The following ATP2B3 variants were observed in gnomAD, a reference collection of about 807,000 sequenced individuals.
The protein encoded by ATP2B3 is ATPase plasma membrane Ca2+ transporting 3.
In ATP2B3, 12 loss-of-function variants were observed where a neutral mutation model predicts 70.8. The ratio of observed to expected loss-of-function variants is 0.17; its 90% confidence interval spans 0.11 to 0.27. The LOEUF (loss-of-function observed/expected upper bound fraction) is 0.27, where lower values mean the gene tolerates loss of function less well. Among genes scored for constraint, ATP2B3 ranks in the 10% least tolerant of loss-of-function variants. The probability of loss-of-function intolerance (pLI) is 1.00; values close to 1 mark genes in which losing one functional copy is unlikely to be tolerated. For synonymous variants in ATP2B3, 460 were observed against 497.8 expected, an observed-to-expected ratio of 0.92 and a Z score of 1.01; for missense variants, 858 against 1,118.5, an observed-to-expected ratio of 0.77 and a Z score of 3.32.
intron 2 of ATP2B3, among the ~76,000 whole-genome samples, chrX:153,525,594 G>A (rs2090020040): frequency 8.9e-6 from 1 of 112,541 alleles, no homozygotes; most frequent in African/African-American, 3.2e-5. Flanking sequence ...TGGAGCCACA[G>A]GCCCAGGAGA....
chrX:153,526,350 A>T (rs2090032849), intron 2 of ATP2B3, among the ~76,000 whole-genome samples: 1 of 110,922 alleles, frequency 9.0e-6, no homozygotes, highest in African/African-American at 3.3e-5. Context: ...TGTGGGGCGC[A>T]CTGAGGGAGA....
At chrX:153,545,102 G>A (rs868978992) in intron 7 of ATP2B3, among the ~76,000 whole-genome samples, 1 of 107,455 alleles carries the variant, frequency 9.3e-6, no homozygotes. Context: ...CGGGGGGGGG[G>A]CCCTCCCTGC....
At chrX:153,549,187 G>A in intron 10 of ATP2B3, among the ~76,000 whole-genome samples, 1 of 98,547 alleles carries the variant, frequency 1.0e-5, no homozygotes, top group Non-Finnish European at 2.1e-5. Context: ...GAGGAGGTGG[G>A]GGGAGCCAGG....
chrX:153,564,233 C>T (rs782388537), intron 20 of ATP2B3, among the ~76,000 whole-genome samples: 82 of 112,975 alleles, frequency 7.3e-4, no homozygotes, highest in African/African-American at 2.1e-3. Flanking sequence ...AGGGGAGTTG[C>T]GCAAACAGCG....
At chrX:153,569,109 G>T in intron 21 of ATP2B3, 1 of 303,250 alleles carries the variant, frequency 3.3e-6, no homozygotes, top group East Asian at 9.5e-5. Context: ...AGTTTCGAGG[G>T]GGCGCCCCCT....
At chrX:153,577,783 T>A (rs112792386) in intron 21 of ATP2B3, among the ~76,000 whole-genome samples, 98 of 111,262 alleles carry the variant, frequency 8.8e-4, no homozygotes, top group African/African-American at 3.0e-3. Flanking sequence ...CTTACTTTTT[T>A]TTATTATTAT....
At chrX:153,569,404 C>T (rs973323703) in intron 21 of ATP2B3, 8 of 524,709 alleles carry the variant, frequency 1.5e-5, no homozygotes, top group Non-Finnish European at 2.3e-5. Flanking sequence ...CAAACCCTCT[C>T]TCGGTGGGTG....
At chrX:153,526,444 C>T (rs1569533240) in intron 2 of ATP2B3, among the ~76,000 whole-genome samples, 2 of 111,587 alleles carry the variant, frequency 1.8e-5, no homozygotes, top group African/African-American at 3.3e-5. Context: ...TCCTGGAGCA[C>T]GGCAGGAACT....
At position 153,553,070 on chromosome X, in the gene ATP2B3, G is replaced by A. The variant is rs943411634; in HGVS notation, c.1859G>A (p.Arg620Gln). The A allele has an allele frequency of 2.6e-5, 31 of 1,206,058 alleles. No individual in the cohort carries two copies. Among genetic ancestry groups the A allele is most frequent in the Non-Finnish European group, 3.4e-5 (30 of 891,869 alleles). The change falls in exon 13 of 22, where the codon CGG becomes CAG. Residue 620 changes from arginine (R) to glutamine (Q), a missense_variant. Arg to Gln is a conservative substitution (Grantham distance 43). Transcript: ENST00000263519. ...ATCTTGAACAGCAATGGCGAACTCC[G>A]GGGCTTTCGGCCTCGGGACCGGGAC... ...TNILNSNGEL[R>Q]GFRPRDRDDM...
At chrX:153,532,876 C>G (rs183752711) in intron 2 of ATP2B3, 1,704 of 111,953 alleles carry the variant, frequency 0.015, 12 homozygotes, top group Non-Finnish European at 0.023. Context: ...AGGGAGGCCA[C>G]CGCCCAGGCT....
chrX:153,533,609 G>A (rs191748827), intron 2 of ATP2B3, among the ~76,000 whole-genome samples: 4 of 111,510 alleles, frequency 3.6e-5, no homozygotes, highest in Admixed American at 9.4e-5. Context: ...CCTAAGAGGT[G>A]GTCCACAGGA....
chrX:153,580,251 T>A lies in ATP2B3; in HGVS notation c.3616T>A (p.Ser1206Thr). 1 of 1,210,388 alleles carries A rather than the reference T, an allele frequency of 8.3e-7. No homozygotes were observed. Among genetic ancestry groups the A allele is most frequent in the Non-Finnish European group, 1.1e-6 (1 of 894,828 alleles). Residue 1206 changes from serine to threonine, a missense_variant, in exon 22 of 22, where the codon TCC becomes ACC. Ser to Thr is a moderately conservative substitution (Grantham distance 58). Transcript: ENST00000263519. ...VTKSATSSVF[S>T]SSPGSPLHSV... ...CAAGTCAGCTACCTCTTCAGTGTTT[T>A]CCTCCAGTCCCGGGAGCCCGCTCCA...
intron 3 of ATP2B3, among the ~76,000 whole-genome samples, chrX:153,537,458 A>G (rs1265681348): frequency 8.8e-6 from 1 of 113,288 alleles, no homozygotes; most frequent in Non-Finnish European, 1.9e-5. Context: ...CCCTCAACCC[A>G]GAGACTGTTC....
rs1280847735 is a variant in ATP2B3 at position 153,536,351 on chromosome X, G to A, written c.104G>A (p.Arg35His). 7 of 1,200,757 alleles carry A rather than the reference G, an allele frequency of 5.8e-6. No homozygotes were observed. The highest frequency in any genetic ancestry group is 3.6e-5 in the South Asian group (2 of 54,993). The change falls in exon 3 of 22, where the codon CGC becomes CAC. Residue 35 changes from arginine (R) to histidine (H), a missense_variant. Arg to His is a conservative substitution (Grantham distance 29). Around this residue, in one of 5 missense-constraint regions of ATP2B3, gnomAD observed 278 missense variants for 366.2 expected, o/e 0.76. Coordinates refer to ENST00000263519, the MANE Select transcript of ATP2B3 (RefSeq NM_001001344.3). ...TTTGGGTGCACGCTGGCGGAGCTGC[G>A]CACCCTCATGGAGCTGCGAGGGGCC... Reference protein sequence around the residue: ...GGFGCTLAELRTLMELRGAEA... With the variant: ...GGFGCTLAELHTLMELRGAEA...
Position 153,536,376 on chromosome X carries a change from C to T in ATP2B3, c.129C>T (p.Ala43=), listed in dbSNP as rs201244688. The change falls in exon 3 of 22, where the codon GCC becomes GCT. Residue 43 remains alanine (A), a synonymous_variant. Coordinates refer to ENST00000263519, the MANE Select transcript of ATP2B3 (RefSeq NM_001001344.3). ...ELRTLMELRG[A]EALQKIEEAY... is the part of the protein sequence containing the mutation. Reference sequence around the variant, plus strand: ...GCACCCTCATGGAGCTGCGAGGGGCCGAGGCGCTGCAGAAGATCGAGGAGG... The same window carrying T: ...GCACCCTCATGGAGCTGCGAGGGGCTGAGGCGCTGCAGAAGATCGAGGAGG... 3.5e-5 allele frequency: 42 copies of T among 1,203,447 alleles called. No individual in the cohort carries two copies. The Admixed American group carries it at 4.2e-4, about 12-fold the overall frequency.
At chrX:153,577,674 C>T (rs1433487092) in intron 21 of ATP2B3, among the ~76,000 whole-genome samples, 1 of 112,655 alleles carries the variant, frequency 8.9e-6, no homozygotes, top group Non-Finnish European at 1.9e-5. Flanking sequence ...GAATAGCTGA[C>T]CATCTGCCGT....
intron 21 of ATP2B3, among the ~76,000 whole-genome samples, chrX:153,574,513 G>T (rs1557020790): frequency 9.0e-6 from 1 of 111,660 alleles, no homozygotes; most frequent in East Asian, 2.8e-4. Flanking sequence ...CGGGTCGGCT[G>T]GTGCCCAGCA....
chrX:153,574,074 C>A (rs1220180395), intron 21 of ATP2B3, among the ~76,000 whole-genome samples: 2 of 112,847 alleles, frequency 1.8e-5, no homozygotes, highest in East Asian at 5.5e-4. Context: ...AGGGGCCTTC[C>A]CCTTGCTCTT....
At chrX:153,558,036 G>T in intron 16 of ATP2B3, 76 bp from the exon 17 acceptor site, 1 of 1,051,525 alleles carries the variant, frequency 9.5e-7, no homozygotes, top group Non-Finnish European at 1.3e-6. Flanking sequence ...CAGCCCAGGC[G>T]GGCCAGGTGA....
Sources: allele counts gnomAD v4.1 joint callset (sites outside exome capture counted in the v4.1 genomes callset), GRCh38; gene constraint gnomAD v4.1.1; regional missense constraint gnomAD v4.1.1; transcripts MANE v1.5; gene names NCBI Gene and HGNC (gene_info 2026-07-23, HGNC 2026-07-21).